NDUFV1: variants seen among roughly 807,000 people sequenced by gnomAD.
NDUFV1 encodes the protein NADH:ubiquinone oxidoreductase core subunit V1.
A neutral mutation model predicts 48.7 loss-of-function variants in NDUFV1; 41 were observed. The ratio of observed to expected loss-of-function variants is 0.84; its 90% CI spans 0.66 to 1.09. NDUFV1 has a LOEUF of 1.09. Ranked by LOEUF, NDUFV1 falls within the 50% of genes least tolerant of loss-of-function variation. The pLI is 0.00. For missense variants in NDUFV1, 580 were observed against 645.4 expected, an observed-to-expected ratio of 0.90 and a Z score of 1.10; for synonymous variants, 231 against 259.1, an observed-to-expected ratio of 0.89 and a Z score of 1.04.
Position 67,612,526 on chromosome 11 carries a change from C to T in NDUFV1, c.*68C>T. ...TGCTGGACAATAAAGCGAGTGCTGC[C>T]CACCCTCCAGCTGCCGCTGCTGTGA... On this transcript the variant is annotated 3_prime_UTR_variant, in exon 10 of 10. Coordinates refer to ENST00000322776, the MANE Select transcript of NDUFV1 (RefSeq NM_007103.4). The surrounding 1 kb of genome is among the most constrained non-coding windows in gnomAD (Gnocchi z 4.4). 1 of 1,516,082 alleles carries T rather than the reference C, an allele frequency of 6.6e-7. No homozygotes were observed. The highest frequency in any genetic ancestry group is 9.0e-7 in the Non-Finnish European group (1 of 1,111,704). 93.9% of individuals were successfully genotyped at this position (1,516,082 alleles called of 1,614,324 possible). A position where few individuals can be genotyped will look rare whatever the true frequency, so the allele number is the denominator to read the frequency against.
intron 1 of NDUFV1, chr11:67,607,727 A>G: frequency 8.8e-6 from 3 of 341,148 alleles, no homozygotes; most frequent in South Asian, 6.6e-5. Flanking sequence ...TGGTGCCGTG[A>G]TGCAGCTGTG....
At chr11:67,610,855 G>T in intron 5 of NDUFV1, 140 bp from the exon 6 acceptor site, 1 of 865,292 alleles carries the variant, frequency 1.2e-6, no homozygotes, top group Admixed American at 2.0e-5. Flanking sequence ...TGGAGTTTGG[G>T]GTCCAGCAGG....
At chr11:67,610,831 G>A (rs879588275) in intron 5 of NDUFV1, 164 bp from the exon 6 acceptor site, 4 of 783,862 alleles carry the variant, frequency 5.1e-6, no homozygotes, top group Non-Finnish European at 8.4e-6. Flanking sequence ...GGTGAACAAG[G>A]CAATGGGCAT....
chr11:67,608,738 C>CG lies in NDUFV1; in HGVS notation c.326+20dup. On this transcript the variant is annotated intron_variant, in intron 3 of 9. Coordinates refer to ENST00000322776, the MANE Select transcript of NDUFV1 (RefSeq NM_007103.4). ...CAGATGGCAGGTGTGTGTGTGGGGG[C>CG]GGGGCAGATGTGGCTGTGGGAGAGA... The CG allele has an allele frequency of 1.2e-6, 2 of 1,612,678 alleles. No homozygotes were observed. The highest frequency in any genetic ancestry group is 1.1e-5 in the South Asian group (1 of 91,054).
In NDUFV1 at chr11:67,609,458, G is replaced by T. The variant is rs886048588; in HGVS notation, c.333G>T (p.Lys111Asn). ...GACCTGTGGGCCCCTGCAGGCCCAA[G>T]TATCTGGTGGTGAACGCAGACGAGG... is the stretch of plus-strand genomic sequence containing the variant. ...FMNKPSDGRP[K>N]YLVVNADEGE... is the part of the protein sequence containing the mutation. The change falls in exon 4 of 10, where the codon AAG (lysine) becomes AAT (asparagine). Residue 111 changes from lysine to asparagine, a missense_variant. By Grantham distance (94) the Lys-to-Asn change is moderately conservative. Coordinates refer to ENST00000322776, the MANE Select transcript of NDUFV1 (RefSeq NM_007103.4). The T allele has an allele frequency of 1.2e-6, 2 of 1,613,480 alleles. No individual in the cohort carries two copies. The highest frequency in any genetic ancestry group is 1.7e-6 in the Non-Finnish European group (2 of 1,179,880).
rs1345572239 is a variant in NDUFV1, at chr11:67,606,975, A to T, written c.-30A>T. On this transcript the variant is annotated 5_prime_UTR_variant, in exon 1 of 10. Coordinates refer to ENST00000322776, the MANE Select transcript of NDUFV1 (RefSeq NM_007103.4). ...TCAGCCTCAGTGCTATGAAGGTGAC[A>T]GCGTGAGGTGACCCATCTGGCCCGC... 1.9e-6 allele frequency: 3 copies of T among 1,602,854 alleles called. No homozygotes were observed. Among genetic ancestry groups the T allele is most frequent in the African/African-American group, 1.3e-5 (1 of 74,818 alleles).
chr11:67,608,733 G>A lies in NDUFV1; in HGVS notation c.326+11G>A. 1.2e-6 allele frequency: 2 copies of A among 1,613,360 alleles called. No individual in the cohort carries two copies. The highest frequency in any genetic ancestry group is 1.7e-6 in the Non-Finnish European group (2 of 1,179,884). ...GCCCTCAGATGGCAGGTGTGTGTGT[G>A]GGGGCGGGGCAGATGTGGCTGTGGG... On this transcript the variant is annotated intron_variant, in intron 3 of 9. Coordinates refer to ENST00000322776, the MANE Select transcript of NDUFV1 (RefSeq NM_007103.4).
Position 67,610,533 on chromosome 11 carries a change from C to T in NDUFV1, c.663C>T (p.Gly221=). Residue 221 remains glycine, a synonymous_variant, in exon 5 of 10, where the codon GGC becomes GGT. Transcript: ENST00000322776. Reference sequence around the variant, plus strand: ...TCGAGTCCATTGAGGGCAAGCAGGGCAAGCCCCGCCTGAAGCCCCCCTTCC... The same window carrying T: ...TCGAGTCCATTGAGGGCAAGCAGGGTAAGCCCCGCCTGAAGCCCCCCTTCC... The part of the protein sequence containing the change: ...ALIESIEGKQ[G]KPRLKPPFPA... 6.2e-7 allele frequency: 1 copy of T among 1,614,202 alleles called. No individual in the cohort carries two copies. Among genetic ancestry groups the T allele is most frequent in the South Asian group, 1.1e-5 (1 of 91,086 alleles).
At chr11:67,610,059 T>C in intron 4 of NDUFV1, 1 of 409,726 alleles carries the variant, frequency 2.4e-6, no homozygotes, top group South Asian at 2.8e-5. Flanking sequence ...AATAAGGATA[T>C]AGGCAATTAC....
At position 67,611,744 on chromosome 11, in the gene NDUFV1, GC is replaced by G; in HGVS notation, c.1081-152del. ...CTGAGGAGAATACCCCGGAGTCTGGGCAGCACAGGGGGCCCAGGGAGGCTGG... is the reference window on the plus strand; with the variant it reads ...CTGAGGAGAATACCCCGGAGTCTGGGAGCACAGGGGGCCCAGGGAGGCTGG... On this transcript the variant is annotated intron_variant, in intron 7 of 9. Coordinates refer to ENST00000322776, the MANE Select transcript of NDUFV1 (RefSeq NM_007103.4). The surrounding 1 kb of genome is among the most constrained non-coding windows in gnomAD (Gnocchi z 4.2). 1 of 1,371,440 alleles carries G rather than the reference GC, an allele frequency of 7.3e-7. No individual in the cohort carries two copies. Among genetic ancestry groups the G allele is most frequent in the Non-Finnish European group, 1.0e-6 (1 of 989,256 alleles). The allele number at this position is 1,371,440 out of a possible 1,614,324, so 85.0% of individuals were successfully genotyped here.
Position 67,612,522 on chromosome 11 carries a change from C to T in NDUFV1, c.*64C>T. On this transcript the variant is annotated 3_prime_UTR_variant, in exon 10 of 10. Transcript: ENST00000322776. The surrounding 1 kb of genome is among the most constrained non-coding windows in gnomAD (Gnocchi z 4.4). The stretch of plus-strand genomic sequence containing the variant: ...GGAATGCTGGACAATAAAGCGAGTG[C>T]TGCCCACCCTCCAGCTGCCGCTGCT... 6.6e-7 allele frequency: 1 copy of T among 1,524,196 alleles called. No individual in the cohort carries two copies. The allele number at this position is 1,524,196 out of a possible 1,614,324, so 94.4% of individuals were successfully genotyped here.
chr11:67,607,050 G>A lies in NDUFV1; in HGVS notation c.46G>A (p.Val16Ile). 2 of 1,608,962 alleles carry A rather than the reference G, an allele frequency of 1.2e-6. No homozygotes were observed. Among genetic ancestry groups the A allele is most frequent in the Non-Finnish European group, 1.7e-6 (2 of 1,179,212 alleles). ...GCTCGGCTGGTCGCTTCCCGCGCGG[G>A]TATCTGTGCGTTTCAGCGGCGACAC... ...RLLGWSLPAR[V>I]SVRFSGDTTA... The change falls in exon 1 of 10, where the codon GTA becomes ATA. Residue 16 changes from valine (V) to isoleucine (I), a missense_variant. Coordinates refer to ENST00000322776, the MANE Select transcript of NDUFV1 (RefSeq NM_007103.4).
At chr11:67,609,805 T>G in intron 4 of NDUFV1, 170 bp downstream of exon 4, 1 of 714,644 alleles carries the variant, frequency 1.4e-6, no homozygotes, top group Admixed American at 2.7e-5. Flanking sequence ...TCCCAAAGCC[T>G]CCTTCCAGGG....
At chr11:67,609,798 CA>C in intron 4 of NDUFV1, 163 bp downstream of exon 4, 1 of 763,676 alleles carries the variant, frequency 1.3e-6, no homozygotes, top group South Asian at 1.8e-5. Flanking sequence ...ACTTGGCTCC[CA>C]AAGCCTCCTT....
chr11:67,608,584 A>T lies in NDUFV1; in HGVS notation c.188A>T (p.Tyr63Phe). The change falls in exon 3 of 10, where the codon TAC becomes TTC. Residue 63 changes from tyrosine (Y) to phenylalanine (F), a missense_variant. Transcript: ENST00000322776. ...LKGSLSRGDWYKTKEILLKGP... is the reference protein window; with the variant it reads ...LKGSLSRGDWFKTKEILLKGP... ...GGTTCCCTGAGTCGAGGTGACTGGTACAAGACAAAGGAGATCCTGCTGAAG... is the reference window on the plus strand; with the variant it reads ...GGTTCCCTGAGTCGAGGTGACTGGTTCAAGACAAAGGAGATCCTGCTGAAG... The T allele has an allele frequency of 1.9e-6, 3 of 1,614,190 alleles. No homozygotes were observed. In the South Asian group the frequency reaches 3.3e-5, roughly 18 times the overall value.
At chr11:67,608,124 G>A (rs1591108774) in intron 1 of NDUFV1, 1 of 500,980 alleles carries the variant, frequency 2.0e-6, no homozygotes. Flanking sequence ...CTATCCAGAG[G>A]CTGAGGCACA....
chr11:67,607,516 G>A lies in NDUFV1; in HGVS notation c.72+440G>A, dbSNP rs182772145. 141 of 461,400 alleles carry A rather than the reference G, an allele frequency of 3.1e-4. 1 individual carries two copies. The East Asian group carries it at 6.8e-3, about 22-fold the overall frequency. 28.6% of individuals were successfully genotyped at this position (461,400 alleles called of 1,614,324 possible). On this transcript the variant is annotated intron_variant, in intron 1 of 9. Transcript: ENST00000322776. ...CAGCTGGTGCGCTCTCCACTGGGTC[G>A]TGGGGCTCCTCATTTCATCCTAAGT...
chr11:67,607,573 C>G (rs1854832854), intron 1 of NDUFV1: 1 of 437,518 alleles, frequency 2.3e-6, no homozygotes, highest in Non-Finnish European at 4.6e-6. Context: ...GTTAAGGAGG[C>G]ATTTCTTTCC....
chr11:67,607,695 A>G (rs1357432604), intron 1 of NDUFV1: 1 of 351,510 alleles, frequency 2.8e-6, no homozygotes, highest in Admixed American at 3.9e-5. Context: ...CCAAGCTGCC[A>G]CACTCGGCTT....
Sources: allele counts gnomAD v4.1 joint callset, GRCh38; gene constraint gnomAD v4.1.1; non-coding constraint Gnocchi (gnomAD v3.1); transcripts MANE v1.5; gene names NCBI Gene and HGNC (gene_info 2026-07-23, HGNC 2026-07-21).